EYA2: variants seen among roughly 807,000 people sequenced by gnomAD.
The protein encoded by EYA2 is protein phosphatase EYA2.
In EYA2, 31 loss-of-function variants were observed where a neutral mutation model predicts 69.2. That is an observed-to-expected ratio of 0.45 (90% CI 0.34 to 0.60). The LOEUF is 0.60. Among genes scored for constraint, EYA2 ranks in the 20% least tolerant of loss-of-function variants. The pLI, the probability that EYA2 is intolerant of heterozygous loss-of-function variation, is 0.02. For missense variants in EYA2, 622 were observed against 701.2 expected (o/e 0.89, Z 1.28); for synonymous variants, 257 against 279.4 (o/e 0.92, Z 0.80).
At chr20:47,053,198 A>T (rs2030430746) in intron 5 of EYA2, among the ~76,000 whole-genome samples, 1 of 152,126 alleles carries the variant, frequency 6.6e-6, no homozygotes, top group Admixed American at 6.5e-5. Context: ...ATTACAAAGA[A>T]TAAGGGAGAA....
chr20:47,164,429 C>G (rs2034138862), intron 10 of EYA2, among the ~76,000 whole-genome samples: 1 of 152,196 alleles, frequency 6.6e-6, no homozygotes, highest in African/African-American at 2.4e-5. Context: ...GAGGCCTGAG[C>G]CCGGGTGACC....
At chr20:47,080,929 A>G (rs2031690691) in intron 7 of EYA2, among the ~76,000 whole-genome samples, 1 of 152,174 alleles carries the variant, frequency 6.6e-6, no homozygotes, top group Non-Finnish European at 1.5e-5. Context: ...GTGCAGTGGT[A>G]CGATCATAGT....
At chr20:47,052,974 A>T (rs2030418623) in intron 5 of EYA2, among the ~76,000 whole-genome samples, 1 of 152,166 alleles carries the variant, frequency 6.6e-6, no homozygotes, top group Admixed American at 6.5e-5. Flanking sequence ...ACCTGGTGTC[A>T]TTGAGTGTGT....
chr20:47,030,150 AC>A, intron 5 of EYA2, among the ~76,000 whole-genome samples: 1 of 152,262 alleles, frequency 6.6e-6, no homozygotes, highest in Admixed American at 6.5e-5. Context: ...TATTATTAAA[AC>A]CAGATCTTAT....
Position 47,161,078 on chromosome 20 carries a change from C to T in EYA2, c.979-8061C>T, listed in dbSNP as rs527963822. 2.3e-4 allele frequency: 70 copies of T among 308,420 alleles called. No individual in the cohort carries two copies. In the Middle Eastern group the frequency reaches 3.8e-3, roughly 17 times the overall value. 19.1% of individuals were successfully genotyped at this position (308,420 alleles called of 1,614,324 possible). A position where few individuals can be genotyped will look rare whatever the true frequency, so the allele number is the denominator to read the frequency against. On this transcript the variant is annotated intron_variant, in intron 10 of 15. Coordinates refer to ENST00000327619, the MANE Select transcript of EYA2 (RefSeq NM_005244.5). ...CTGCGGCGTAGCAGTCATAGATACCCGCCATCAGCAGCAGCTTTTGGGCAT... is the reference window on the plus strand; with the variant it reads ...CTGCGGCGTAGCAGTCATAGATACCTGCCATCAGCAGCAGCTTTTGGGCAT...
chr20:47,115,795 A>G (rs911024793), intron 9 of EYA2, among the ~76,000 whole-genome samples: 1 of 152,186 alleles, frequency 6.6e-6, no homozygotes, highest in Non-Finnish European at 1.5e-5. Context: ...AGTGATGCTC[A>G]CTGCCCTTAA....
At chr20:47,033,599 T>C in intron 5 of EYA2, among the ~76,000 whole-genome samples, 1 of 152,176 alleles carries the variant, frequency 6.6e-6, no homozygotes, top group East Asian at 1.9e-4. Context: ...GGCAGGACTG[T>C]ATTTCTTGCC....
chr20:46,939,338 C>T (rs1170553675), intron 1 of EYA2, among the ~76,000 whole-genome samples: 2 of 152,186 alleles, frequency 1.3e-5, no homozygotes, highest in Non-Finnish European at 2.9e-5. Context: ...TAGCAGCTTG[C>T]AGGAGAGGCT....
At chr20:47,049,560 T>C (rs1387037262) in intron 5 of EYA2, among the ~76,000 whole-genome samples, 1 of 152,118 alleles carries the variant, frequency 6.6e-6, no homozygotes, top group African/African-American at 2.4e-5. Flanking sequence ...GACCTCCCCC[T>C]TTCCCTCTCT....
chr20:46,900,671 A>G (rs550694868), intron 1 of EYA2, among the ~76,000 whole-genome samples: 1 of 152,334 alleles, frequency 6.6e-6, no homozygotes, highest in East Asian at 1.9e-4. Flanking sequence ...CAGTTCTCTC[A>G]TACTCCGTTA....
intron 5 of EYA2, among the ~76,000 whole-genome samples, chr20:47,034,641 C>T (rs1299133750): frequency 6.6e-6 from 1 of 152,194 alleles, no homozygotes; most frequent in Non-Finnish European, 1.5e-5. Flanking sequence ...AAAAGGAAAA[C>T]TGAGGAATGC....
intron 1 of EYA2, among the ~76,000 whole-genome samples, chr20:46,927,762 A>G (rs1013764169): frequency 1.3e-5 from 2 of 152,184 alleles, no homozygotes; most frequent in African/African-American, 2.4e-5. Flanking sequence ...CAGCCAAACC[A>G]TATCAATGCC....
At position 47,117,597 on chromosome 20, in the gene EYA2, A is replaced by T. The variant is rs114440791; in HGVS notation, c.888+20429A>T. 5.4e-3 allele frequency: 5,247 copies of T among 969,558 alleles called. 198 individuals carry two copies. The African/African-American group carries it at 0.08, about 15-fold the overall frequency. The allele number at this position is 969,558 out of a possible 1,614,324, so 60.1% of individuals were successfully genotyped here. A position where few individuals can be genotyped will look rare whatever the true frequency, so the allele number is the denominator to read the frequency against. Reference sequence around the variant, plus strand: ...GGGATTCAATCAGATCCAGTTGGCGATAGGCGGCTTGGCCTGTCTGTTACT... The same window carrying T: ...GGGATTCAATCAGATCCAGTTGGCGTTAGGCGGCTTGGCCTGTCTGTTACT... On this transcript the variant is annotated intron_variant, in intron 9 of 15. Transcript: ENST00000327619.
intron 5 of EYA2, among the ~76,000 whole-genome samples, chr20:47,039,131 ACG>A (rs1342485575): frequency 3.0e-4 from 30 of 98,620 alleles, no homozygotes; most frequent in East Asian, 5.5e-4. Flanking sequence ...ACACACACAC[ACG>A]CGCGCACAAT....
At chr20:47,187,085 TC>T (rs2034657612) in intron 15 of EYA2, among the ~76,000 whole-genome samples, 1 of 151,628 alleles carries the variant, frequency 6.6e-6, no homozygotes, top group South Asian at 2.1e-4. Flanking sequence ...GAAACGAAAT[TC>T]AGCTGGGCAC....
At chr20:47,186,403 A>G (rs896658055) in intron 15 of EYA2, among the ~76,000 whole-genome samples, 1 of 118,144 alleles carries the variant, frequency 8.5e-6, no homozygotes, top group Non-Finnish European at 1.6e-5. Context: ...CTTGTTGCCC[A>G]GGTTGGAGTG....
At chr20:46,952,396 G>A (rs903681016) in intron 1 of EYA2, among the ~76,000 whole-genome samples, 2 of 152,190 alleles carry the variant, frequency 1.3e-5, no homozygotes, top group African/African-American at 2.4e-5. Flanking sequence ...TTTACTCTGA[G>A]CAAGCCAGAA....
At chr20:47,141,452 G>C (rs1415609978) in intron 9 of EYA2, among the ~76,000 whole-genome samples, 1 of 152,190 alleles carries the variant, frequency 6.6e-6, no homozygotes, top group Non-Finnish European at 1.5e-5. Flanking sequence ...ATTTTTAAAG[G>C]CTTCTCAGAG....
chr20:47,097,222 C>A, intron 9 of EYA2, 54 bp downstream of exon 9: 2 of 1,400,650 alleles, frequency 1.4e-6, no homozygotes, highest in Non-Finnish European at 2.0e-6. Flanking sequence ...CGTTATTGTC[C>A]AGCCAGTTTG....
Sources: allele counts gnomAD v4.1 joint callset (sites outside exome capture counted in the v4.1 genomes callset), GRCh38; gene constraint gnomAD v4.1.1; transcripts MANE v1.5; gene names NCBI Gene and HGNC (gene_info 2026-07-23, HGNC 2026-07-21).